The following TRPV5 variants were observed in gnomAD, a reference collection of about 807,000 sequenced individuals.
The protein encoded by TRPV5 is calcium transport protein 2.
A neutral mutation model predicts 74.1 loss-of-function variants in TRPV5; 66 were observed. That is an observed-to-expected ratio of 0.89 (90% CI 0.73 to 1.09). TRPV5 has a LOEUF of 1.09. TRPV5 is among the 50% of genes least tolerant of loss of function. The probability of loss-of-function intolerance (pLI) is 0.00; values close to 1 mark genes in which losing one functional copy is unlikely to be tolerated. For synonymous variants in TRPV5, 399 were observed against 360.7 expected (o/e 1.11, Z -1.20); for missense variants, 936 against 930.4 (o/e 1.01, Z -0.08).
In TRPV5 at chr7:142,929,182, T is replaced by G. The variant is rs1354951452; in HGVS notation, c.488-62A>C. ...GGATGGCAGGATGGGGTGGGCAGTC[T>G]CCCCCAAATAAGGGCCTCCTCCTCA... is the stretch of plus-strand genomic sequence containing the variant. On this transcript the variant is annotated intron_variant, in intron 4 of 14. Coordinates refer to ENST00000265310, the MANE Select transcript of TRPV5 (RefSeq NM_019841.7). 2.5e-6 allele frequency: 4 copies of G among 1,578,516 alleles called. No individual in the cohort carries two copies. In the East Asian group the frequency reaches 9.2e-5, roughly 36 times the overall value.
Position 142,912,551 on chromosome 7 carries a change from C to T in TRPV5, c.1719G>A (p.Leu573=). 6.2e-7 allele frequency: 1 copy of T among 1,614,114 alleles called. No homozygotes were observed. Among genetic ancestry groups the T allele is most frequent in the Non-Finnish European group, 8.5e-7 (1 of 1,179,964 alleles). Residue 573 remains leucine (L), a synonymous_variant, in exon 13 of 15, where the codon TTG becomes TTA. Coordinates refer to ENST00000265310, the MANE Select transcript of TRPV5 (RefSeq NM_019841.7). The part of the protein sequence containing the change: ...TIIATLLMLN[L]FIAMMGDTHW... ...GGGTGTCGCCCATCATGGCGATGAA[C>T]AAGTTGAGCATGAGCAGTGTGGCAA...
At position 142,933,381 on chromosome 7, in the gene TRPV5, G is replaced by A; in HGVS notation, c.79C>T (p.Gln27Ter). Residue 27 changes from glutamine to a stop codon, truncating the protein, a stop_gained, in exon 1 of 15, where the codon CAA becomes TAA. Coordinates refer to ENST00000265310, the MANE Select transcript of TRPV5 (RefSeq NM_019841.7). LOFTEE classifies it high-confidence loss of function. The part of the protein sequence containing the change: ...KLLPSFLVRE[Q>*]DWDQHLDKLH... ...TTGTCCAGGTGCTGGTCCCAGTCTTGTTCTCTGACCAGAAAGGAGGGCAGA... is the reference window on the plus strand; with the variant it reads ...TTGTCCAGGTGCTGGTCCCAGTCTTATTCTCTGACCAGAAAGGAGGGCAGA... The A allele has an allele frequency of 6.2e-7, 1 of 1,614,174 alleles. No individual in the cohort carries two copies. The highest frequency in any genetic ancestry group is 8.5e-7 in the Non-Finnish European group (1 of 1,180,040).
chr7:142,921,428 C>T (rs760140690), intron 8 of TRPV5, among the ~76,000 whole-genome samples: 3 of 152,084 alleles, frequency 2.0e-5, no homozygotes, highest in Admixed American at 6.5e-5. Context: ...ATTACAGGTG[C>T]TCACCACCAT....
chr7:142,912,355 C>T, intron 13 of TRPV5, 127 bp downstream of exon 13: 1 of 1,287,316 alleles, frequency 7.8e-7, no homozygotes, highest in Non-Finnish European at 1.1e-6. Context: ...ACACAAACCT[C>T]TTCTGAGGTG....
intron 8 of TRPV5, among the ~76,000 whole-genome samples, chr7:142,924,102 G>C (rs1795927391): frequency 6.6e-6 from 1 of 151,576 alleles, no homozygotes; most frequent in Non-Finnish European, 1.5e-5. Context: ...TTTGCGGCCA[G>C]ACTGAGATGC....
At chr7:142,931,203 T>C (rs946966390) in intron 1 of TRPV5, among the ~76,000 whole-genome samples, 1 of 151,742 alleles carries the variant, frequency 6.6e-6, no homozygotes, top group African/African-American at 2.4e-5. Context: ...TTTGTATTTT[T>C]AGTAGAGATG....
At position 142,933,477 on chromosome 7, in the gene TRPV5, A is replaced by G. The variant is rs747147430; in HGVS notation, c.-18T>C. On this transcript the variant is annotated 5_prime_UTR_variant, in exon 1 of 15. Coordinates refer to ENST00000265310, the MANE Select transcript of TRPV5 (RefSeq NM_019841.7). ...CCCCCCATGTCTTCTCCTTGCAGAC[A>G]CTGGCAGATTATAGAAATGTGGCGA... is the stretch of plus-strand genomic sequence containing the variant. 1.9e-6 allele frequency: 3 copies of G among 1,608,260 alleles called. No individual in the cohort carries two copies. Among genetic ancestry groups the G allele is most frequent in the Non-Finnish European group, 2.5e-6 (3 of 1,177,920 alleles).
chr7:142,908,282 G>C lies in TRPV5; in HGVS notation c.*232C>G. The C allele has an allele frequency of 1.7e-6, 1 of 579,944 alleles. No individual in the cohort carries two copies. The highest frequency in any genetic ancestry group is 3.0e-6 in the Non-Finnish European group (1 of 328,780). 35.9% of individuals were successfully genotyped at this position (579,944 alleles called of 1,614,324 possible). The stretch of plus-strand genomic sequence containing the variant: ...TTTAGTTGCCAACCTCCTTTTTCCT[G>C]AGATGGGTGACTTGCAAGAGCCCAG... On this transcript the variant is annotated 3_prime_UTR_variant, in exon 15 of 15. Transcript: ENST00000265310.
intron 7 of TRPV5, among the ~76,000 whole-genome samples, chr7:142,927,667 T>C (rs1796010233): frequency 6.6e-6 from 1 of 152,256 alleles, no homozygotes; most frequent in Admixed American, 6.5e-5. Context: ...GAAAACTCAC[T>C]ATCACGAGAA....
intron 6 of TRPV5, among the ~76,000 whole-genome samples, 192 bp from the exon 7 acceptor site, chr7:142,928,426 A>G (rs1796025473): frequency 6.6e-6 from 1 of 152,210 alleles, no homozygotes; most frequent in Non-Finnish European, 1.5e-5. Context: ...GTGCAGAAAG[A>G]AGAAAATAGG....
chr7:142,932,245 A>T (rs540371493), intron 1 of TRPV5, among the ~76,000 whole-genome samples: 1 of 152,190 alleles, frequency 6.6e-6, no homozygotes, highest in East Asian at 1.9e-4. Context: ...CTGGCCCTCT[A>T]TCCCCACTGC....
intron 12 of TRPV5, among the ~76,000 whole-genome samples, chr7:142,912,953 T>G (rs1009905571): frequency 6.6e-6 from 1 of 152,186 alleles, no homozygotes; most frequent in Non-Finnish European, 1.5e-5. Flanking sequence ...TGTCTAACCC[T>G]AAGATGTCCT....
rs528570870 is a variant in TRPV5, at chr7:142,931,993, C to T, written c.128+1339G>A. On this transcript the variant is annotated intron_variant, in intron 1 of 14. Transcript: ENST00000265310. ...CTGGGATTACAGGTGTGAGCCACCA[C>T]GCCCAGCCAAAGTGTTTTCATTTAA... Among the ~76,000 whole-genome samples, 8 of 152,292 alleles carry T rather than the reference C, an allele frequency of 5.3e-5. No individual in the cohort carries two copies. The East Asian group carries it at 9.7e-4, about 18-fold the overall frequency.
chr7:142,930,297 G>A (rs1796064790), intron 2 of TRPV5, 52 bp downstream of exon 2: 9 of 1,608,664 alleles, frequency 5.6e-6, no homozygotes, highest in Admixed American at 1.7e-5. Flanking sequence ...TCTTGGGGAG[G>A]AGGAGTAGGT....
Position 142,933,496 on chromosome 7 carries a change from G to A in TRPV5, c.-37C>T, listed in dbSNP as rs1796133246. ...GCAGACACTGGCAGATTATAGAAAT[G>A]TGGCGAAAGAAACAGGTCTAGGATG... On this transcript the variant is annotated 5_prime_UTR_variant, in exon 1 of 15. Coordinates refer to ENST00000265310, the MANE Select transcript of TRPV5 (RefSeq NM_019841.7). 6.2e-7 allele frequency: 1 copy of A among 1,601,176 alleles called. No individual in the cohort carries two copies. The highest frequency in any genetic ancestry group is 8.5e-7 in the Non-Finnish European group (1 of 1,174,278).
chr7:142,913,943 A>C (rs1795748902), intron 12 of TRPV5, among the ~76,000 whole-genome samples: 1 of 147,768 alleles, frequency 6.8e-6, no homozygotes, highest in African/African-American at 2.5e-5. Context: ...TCCTCCACCC[A>C]CCCTCTCCTT....
Position 142,933,438 on chromosome 7 carries a change from C to T in TRPV5, c.22G>A (p.Ala8Thr), listed in dbSNP as rs755398057. 15 of 1,613,728 alleles carry T rather than the reference C, an allele frequency of 9.3e-6. No individual in the cohort carries two copies. The highest frequency in any genetic ancestry group is 1.2e-5 in the Non-Finnish European group (14 of 1,179,854). Residue 8 changes from alanine (A) to threonine (T), a missense_variant, in exon 1 of 15, where the codon GCA becomes ACA. Coordinates refer to ENST00000265310, the MANE Select transcript of TRPV5 (RefSeq NM_019841.7). ...TGGAGTTGGCTCCCGGGCCCTTCTG[C>T]CTTAGGTAGAAAACCCCCCATGTCT... MGGFLPK[A>T]EGPGSQLQKL... is the part of the protein sequence containing the mutation.
intron 14 of TRPV5, 102 bp downstream of exon 14, chr7:142,909,388 C>T: frequency 7.9e-7 from 1 of 1,259,308 alleles, no homozygotes. Context: ...CCAGCCCCCT[C>T]CCCTAGACAG....
intron 2 of TRPV5, 62 bp downstream of exon 2, chr7:142,930,287 T>G: frequency 3.7e-6 from 6 of 1,610,872 alleles, no homozygotes; most frequent in Non-Finnish European, 5.1e-6. Flanking sequence ...AAACTCGAAG[T>G]CTTGGGGAGG....
Sources: allele counts gnomAD v4.1 joint callset (sites outside exome capture counted in the v4.1 genomes callset), GRCh38; gene constraint gnomAD v4.1.1; transcripts MANE v1.5; gene names NCBI Gene and HGNC (gene_info 2026-07-23, HGNC 2026-07-21).